The following UBE2O variants were observed in gnomAD, a reference collection of about 807,000 sequenced individuals.
The protein encoded by UBE2O is (E3-independent) E2 ubiquitin-conjugating enzyme.
UBE2O carries 15 observed loss-of-function variants against 125.8 expected under a neutral mutation model. The ratio of observed to expected loss-of-function variants is 0.12; its 90% CI spans 0.08 to 0.18. UBE2O has a LOEUF of 0.18. UBE2O is among the 10% of genes least tolerant of loss of function. The pLI is 1.00. For synonymous variants in UBE2O, 708 were observed against 703.2 expected (o/e 1.01, Z -0.11); for missense variants, 1,280 against 1,723.6 (o/e 0.74, Z 4.56).
rs1233005259 is a variant in UBE2O at position 76,390,866 on chromosome 17, G to C, written c.*77C>G. On this transcript the variant is annotated 3_prime_UTR_variant, in exon 18 of 18. Coordinates refer to ENST00000319380, the MANE Select transcript of UBE2O (RefSeq NM_022066.4). ...GTGGGGACAGAGGGGCATGGGAAGAGGGGTGATTCCGGGGGGGAGTGAGCA... is the reference window on the plus strand; with the variant it reads ...GTGGGGACAGAGGGGCATGGGAAGACGGGTGATTCCGGGGGGGAGTGAGCA... 2.8e-6 allele frequency: 4 copies of C among 1,438,394 alleles called. No individual in the cohort carries two copies. In the South Asian group the frequency reaches 5.3e-5, roughly 19 times the overall value. The allele number at this position is 1,438,394 out of a possible 1,614,324, so 89.1% of individuals were successfully genotyped here. A position where few individuals can be genotyped will look rare whatever the true frequency, so the allele number is the denominator to read the frequency against.
chr17:76,432,176 C>T (rs1461374992), intron 1 of UBE2O, among the ~76,000 whole-genome samples: 2 of 152,154 alleles, frequency 1.3e-5, no homozygotes, highest in Non-Finnish European at 2.9e-5. Flanking sequence ...AAACTCAAGG[C>T]CCCCTATCGC....
intron 1 of UBE2O, among the ~76,000 whole-genome samples, chr17:76,431,328 A>G (rs987061483): frequency 6.6e-6 from 1 of 151,218 alleles, no homozygotes; most frequent in Non-Finnish European, 1.5e-5. Flanking sequence ...CCTGGCCAAC[A>G]TGGTGAAATC....
intron 1 of UBE2O, among the ~76,000 whole-genome samples, chr17:76,416,744 G>T (rs4462625): frequency 1.1e-4 from 17 of 151,654 alleles, no homozygotes; most frequent in African/African-American, 3.6e-4. Context: ...TCTTGGCTGG[G>T]TCATTAGGTC....
intron 1 of UBE2O, among the ~76,000 whole-genome samples, chr17:76,407,055 G>C (rs1328017982): frequency 3.9e-5 from 6 of 152,156 alleles, no homozygotes; most frequent in Non-Finnish European, 7.3e-5. Flanking sequence ...TCTTGAGTCA[G>C]ACACAGGAAC....
Position 76,404,371 on chromosome 17 carries a change from A to G in UBE2O, c.588+835T>C, listed in dbSNP as rs2072381971. Among the ~76,000 whole-genome samples the G allele has an allele frequency of 6.6e-6, 1 of 152,228 alleles. No homozygotes were observed. The highest frequency in any genetic ancestry group is 2.1e-4 in the South Asian group (1 of 4,832). On this transcript the variant is annotated intron_variant, in intron 3 of 17. Transcript: ENST00000319380. This position sits in a 1 kb window ranked among gnomAD's most constrained non-coding sequence, Gnocchi z 4.3. The stretch of plus-strand genomic sequence containing the variant: ...GCAGAGCTCTGCGGCGGGCCTGCCA[A>G]GAACACGTGGGCATGAGGCAACACC...
chr17:76,439,410 A>C (rs1213277430), intron 1 of UBE2O, among the ~76,000 whole-genome samples: 4 of 152,220 alleles, frequency 2.6e-5, no homozygotes, highest in African/African-American at 7.2e-5. Context: ...TCCAAAGTCA[A>C]AAATTTTCTA....
rs914062477 is a variant in UBE2O at position 76,405,169 on chromosome 17, G to A, written c.588+37C>T. 2.0e-6 allele frequency: 3 copies of A among 1,499,812 alleles called. No homozygotes were observed. Among genetic ancestry groups the A allele is most frequent in the African/African-American group, 1.4e-5 (1 of 72,576 alleles). The allele number at this position is 1,499,812 out of a possible 1,614,324, so 92.9% of individuals were successfully genotyped here. A position where few individuals can be genotyped will look rare whatever the true frequency, so the allele number is the denominator to read the frequency against. ...GTCGTGCCGCCGAGAGAACCAGAGG[G>A]CCCAGAAAGGATGATGAGAAGACAG... On this transcript the variant is annotated intron_variant, in intron 3 of 17. Coordinates refer to ENST00000319380, the MANE Select transcript of UBE2O (RefSeq NM_022066.4). This position sits in a 1 kb window ranked among gnomAD's most constrained non-coding sequence, Gnocchi z 6.1.
chr17:76,391,025 A>T lies in UBE2O; in HGVS notation c.3797T>A (p.Ile1266Asn). Residue 1266 changes from isoleucine to asparagine, a missense_variant, in exon 18 of 18, where the codon ATC becomes AAC. By Grantham distance (149) the Ile-to-Asn change is moderately radical. Transcript: ENST00000319380. This position sits in a 1 kb window ranked among gnomAD's most constrained non-coding sequence, Gnocchi z 8.4. The stretch of plus-strand genomic sequence containing the variant: ...CGTCAGGACACCCCGGATGCTCTTG[A>T]TGAAACCCTTGGAAAGTGGGAAGAG... ...FPLFPLSKGF[I>N]KSIRGVLTQF... 6.2e-7 allele frequency: 1 copy of T among 1,613,890 alleles called. No individual in the cohort carries two copies. The highest frequency in any genetic ancestry group is 8.5e-7 in the Non-Finnish European group (1 of 1,180,012).
At chr17:76,443,245 GT>G (rs2073101867) in intron 1 of UBE2O, among the ~76,000 whole-genome samples, 1 of 152,056 alleles carries the variant, frequency 6.6e-6, no homozygotes, top group African/African-American at 2.4e-5. Flanking sequence ...AAAAAGTTGG[GT>G]CTTGGGTTCA....
chr17:76,422,691 AC>A (rs1319132518), intron 1 of UBE2O, among the ~76,000 whole-genome samples: 1 of 151,942 alleles, frequency 6.6e-6, no homozygotes, highest in African/African-American at 2.4e-5. Flanking sequence ...CTCAGATGTC[AC>A]CTCCTCAGAA....
In UBE2O at chr17:76,435,849, G is replaced by A. The variant is rs115555751; in HGVS notation, c.417+16876C>T. Among the ~76,000 whole-genome samples, 781 of 152,342 alleles carry A rather than the reference G, an allele frequency of 5.1e-3. 9 individuals carry two copies. Among genetic ancestry groups the A allele is most frequent in the African/African-American group, 0.018 (762 of 41,578 alleles). On this transcript the variant is annotated intron_variant, in intron 1 of 17. Transcript: ENST00000319380. Reference sequence around the variant, plus strand: ...AAGCTCAGTGACACCCCGGCACAGAGGGGACAGAAAACAGTTAGCAAAAGG... The same window carrying A: ...AAGCTCAGTGACACCCCGGCACAGAAGGGACAGAAAACAGTTAGCAAAAGG...
chr17:76,417,061 C>G (rs1356923404), intron 1 of UBE2O, among the ~76,000 whole-genome samples: 3 of 152,262 alleles, frequency 2.0e-5, no homozygotes, highest in Non-Finnish European at 4.4e-5. Flanking sequence ...CATGTCACAT[C>G]TCTGGGCACC....
rs199532822 is a variant in UBE2O, at chr17:76,397,435, CTT to C, written c.2115+362_2115+363del. Reference sequence around the variant, plus strand: ...GGGCTAGAACTGGGTCGGCTCTCTCCTTTCTCTCCTTCTCTGTTAGAGCTTTC... The same window carrying C: ...GGGCTAGAACTGGGTCGGCTCTCTCCTCTCTCCTTCTCTGTTAGAGCTTTC... On this transcript the variant is annotated intron_variant, in intron 13 of 17. Transcript: ENST00000319380. Among the ~76,000 whole-genome samples the C allele has an allele frequency of 5.3e-5, 8 of 152,340 alleles. No individual in the cohort carries two copies. In the East Asian group the frequency reaches 1.5e-3, roughly 29 times the overall value.
chr17:76,419,601 C>A (rs913988837), intron 1 of UBE2O, among the ~76,000 whole-genome samples: 6 of 152,150 alleles, frequency 3.9e-5, no homozygotes, highest in African/African-American at 1.4e-4. Context: ...TGGCCCCAAC[C>A]TTGACCCACC....
rs551891330 is a variant in UBE2O, at chr17:76,390,364, C to T, written c.*579G>A. 9.8e-5 allele frequency: 15 copies of T among 153,056 alleles called. No individual in the cohort carries two copies. Among genetic ancestry groups the T allele is most frequent in the African/African-American group, 3.1e-4 (13 of 41,550 alleles). The allele number at this position is 153,056 out of a possible 1,614,324, so 9.5% of individuals were successfully genotyped here. ...ACAGGCCTGAGGGCTATAACGTGGT[C>T]GACAGGCCATGTATAGCCGGGAGTC... On this transcript the variant is annotated 3_prime_UTR_variant, in exon 18 of 18. Coordinates refer to ENST00000319380, the MANE Select transcript of UBE2O (RefSeq NM_022066.4).
chr17:76,448,702 C>CA (rs762702724), intron 1 of UBE2O, among the ~76,000 whole-genome samples: 5 of 152,268 alleles, frequency 3.3e-5, no homozygotes, highest in Non-Finnish European at 5.9e-5. Context: ...CTTGAACTGA[C>CA]AGACAGCAGT....
Position 76,452,996 on chromosome 17 carries a change from T to G in UBE2O, c.146A>C (p.Asp49Ala), listed in dbSNP as rs955449380. 27 of 1,488,754 alleles carry G rather than the reference T, an allele frequency of 1.8e-5. No individual in the cohort carries two copies. The highest frequency in any genetic ancestry group is 1.9e-4 in the Middle Eastern group (1 of 5,156). The allele number at this position is 1,488,754 out of a possible 1,614,324, so 92.2% of individuals were successfully genotyped here. ...ASDSASGPSS[D>A]SGPEAGSQRL... is the part of the protein sequence containing the mutation. ...CTGCGAGCCGGCTTCTGGGCCGGAGTCCGAGGACGGCCCGGAGGCCGAGTC... is the reference window on the plus strand; with the variant it reads ...CTGCGAGCCGGCTTCTGGGCCGGAGGCCGAGGACGGCCCGGAGGCCGAGTC... Residue 49 changes from aspartate to alanine, a missense_variant, in exon 1 of 18, where the codon GAC becomes GCC. Physicochemically the swap from Asp to Ala is moderately radical, Grantham distance 126. This residue lies in a region of UBE2O where 188 missense variants were observed against 192.5 expected (regional missense o/e 0.98). Transcript: ENST00000319380. The surrounding 1 kb of genome is among the most constrained non-coding windows in gnomAD (Gnocchi z 4.4).
intron 1 of UBE2O, among the ~76,000 whole-genome samples, chr17:76,437,641 C>T (rs1000820): frequency 0.041 from 6,297 of 152,090 alleles, 195 homozygotes; most frequent in South Asian, 0.092. Flanking sequence ...CCTTGAACTC[C>T]TGGACCCAAG....
Position 76,395,909 on chromosome 17 carries a change from G to C in UBE2O, c.2810-48C>G. ...CAGTCCCTCATGGAGAGGCCCTGGAGCTCCATCTGCCAACCTGGCTGGACA... is the reference window on the plus strand; with the variant it reads ...CAGTCCCTCATGGAGAGGCCCTGGACCTCCATCTGCCAACCTGGCTGGACA... On this transcript the variant is annotated intron_variant, in intron 14 of 17. Transcript: ENST00000319380. This position sits in a 1 kb window ranked among gnomAD's most constrained non-coding sequence, Gnocchi z 5.0. 6.2e-7 allele frequency: 1 copy of C among 1,610,322 alleles called. No individual in the cohort carries two copies. Among genetic ancestry groups the C allele is most frequent in the Non-Finnish European group, 8.5e-7 (1 of 1,179,144 alleles).
Sources: allele counts gnomAD v4.1 joint callset (sites outside exome capture counted in the v4.1 genomes callset), GRCh38; gene constraint gnomAD v4.1.1; regional missense constraint gnomAD v4.1.1; non-coding constraint Gnocchi (gnomAD v3.1); transcripts MANE v1.5; gene names NCBI Gene and HGNC (gene_info 2026-07-23, HGNC 2026-07-21).